Variants in PRPF38A observed in about 807,000 individuals in gnomAD.
The protein encoded by PRPF38A is pre-mRNA processing factor 38A.
A neutral mutation model predicts 46.8 loss-of-function variants in PRPF38A; 11 were observed. The ratio of observed to expected loss-of-function variants is 0.24; its 90% CI spans 0.15 to 0.39. The LOEUF (loss-of-function observed/expected upper bound fraction) is 0.39. PRPF38A is among the 10% of genes least tolerant of loss of function. The pLI, the probability that PRPF38A is intolerant of heterozygous loss-of-function variation, is 1.00. For synonymous variants in PRPF38A, 124 were observed against 136.2 expected, an observed-to-expected ratio of 0.91 and a Z score of 0.62; for missense variants, 261 against 407.5, an observed-to-expected ratio of 0.64 and a Z score of 3.10.
Position 52,419,690 on chromosome 1 carries a change from A to AAAAT in PRPF38A, c.*3002_*3005dup. ...CCACAAAACATAAAACAGCACAGAGAAAATAGGCTGGAGGAAATAAAAAAT... is the reference window on the plus strand; with the variant it reads ...CCACAAAACATAAAACAGCACAGAGAAAATAAATAGGCTGGAGGAAATAAAAAAT... On this transcript the variant is annotated 3_prime_UTR_variant, in exon 10 of 10. Transcript: ENST00000257181. 6.6e-6 allele frequency: 1 copy of AAAAT among 152,332 alleles called. No homozygotes were observed. The highest frequency in any genetic ancestry group is 1.9e-4 in the East Asian group (1 of 5,186). 9.4% of individuals were successfully genotyped at this position (152,332 alleles called of 1,614,324 possible).
In PRPF38A at chr1:52,418,681, C is replaced by A. The variant is rs1048899074; in HGVS notation, c.*1991C>A. 1 of 151,816 alleles carries A rather than the reference C, an allele frequency of 6.6e-6. No individual in the cohort carries two copies. The highest frequency in any genetic ancestry group is 1.5e-5 in the Non-Finnish European group (1 of 68,034). 9.4% of individuals were successfully genotyped at this position (151,816 alleles called of 1,614,324 possible). ...AGACATGTTGCATGTCTGTAGATAT[C>A]GTTTTGATAAAATTACACAGGAGAT... is the stretch of plus-strand genomic sequence containing the variant. On this transcript the variant is annotated 3_prime_UTR_variant, in exon 10 of 10. Transcript: ENST00000257181.
chr1:52,414,949 T>G lies in PRPF38A; in HGVS notation c.847+90T>G, dbSNP rs981711935. On this transcript the variant is annotated intron_variant, in intron 8 of 9. Coordinates refer to ENST00000257181, the MANE Select transcript of PRPF38A (RefSeq NM_032864.4). ...CTCCTGCAGTACAGGAGTGCCTGAC[T>G]GTACTGCCTAACAGAAAAGCAAATG... The G allele has an allele frequency of 1.0e-5, 12 of 1,172,812 alleles. No homozygotes were observed. In the African/African-American group the frequency reaches 1.2e-4, roughly 12 times the overall value. 72.7% of individuals were successfully genotyped at this position (1,172,812 alleles called of 1,614,324 possible).
At chr1:52,408,540 C>T in intron 2 of PRPF38A, 29 bp from the exon 3 acceptor site, 2 of 1,613,824 alleles carry the variant, frequency 1.2e-6, no homozygotes, top group Non-Finnish European at 1.7e-6. Context: ...CTAGGATGGC[C>T]TGTTGTTTCA....
chr1:52,416,917 G>A lies in PRPF38A; in HGVS notation c.*227G>A, dbSNP rs1395194395. The A allele has an allele frequency of 3.7e-6, 2 of 536,772 alleles. No individual in the cohort carries two copies. The highest frequency in any genetic ancestry group is 1.9e-5 in the African/African-American group (1 of 52,268). 33.3% of individuals were successfully genotyped at this position (536,772 alleles called of 1,614,324 possible). On this transcript the variant is annotated 3_prime_UTR_variant, in exon 10 of 10. Coordinates refer to ENST00000257181, the MANE Select transcript of PRPF38A (RefSeq NM_032864.4). ...TAACCTTGACTGTATTCAAACTTAT[G>A]AGAGTATAAAGGATCTGGAGGTTGG...
Position 52,417,967 on chromosome 1 carries a change from T to C in PRPF38A, c.*1277T>C, listed in dbSNP as rs960934678. The C allele has an allele frequency of 2.6e-5, 4 of 152,496 alleles. No individual in the cohort carries two copies. The highest frequency in any genetic ancestry group is 5.9e-5 in the Non-Finnish European group (4 of 68,046). 9.4% of individuals were successfully genotyped at this position (152,496 alleles called of 1,614,324 possible). On this transcript the variant is annotated 3_prime_UTR_variant, in exon 10 of 10. Transcript: ENST00000257181. The stretch of plus-strand genomic sequence containing the variant: ...TTATTAAGATCTTTGCTAGAAGAGT[T>C]CCTTTACCTGTACTTAACTCCCTTA...
At chr1:52,408,181 A>T in intron 2 of PRPF38A, 1 of 338,566 alleles carries the variant, frequency 3.0e-6, no homozygotes, top group Non-Finnish European at 5.7e-6. Flanking sequence ...CGGAGGTTGC[A>T]GTGAGCCAAG....
chr1:52,404,813 GAGA>G lies in PRPF38A; in HGVS notation c.68_70del (p.Lys23del). ...TGGCACCAACCCTCAATATCTGGTG[GAGA>G]AGATCATTCGAACGCGAATCTATGA... On this transcript the variant is annotated inframe_deletion, in exon 1 of 10. Coordinates refer to ENST00000257181, the MANE Select transcript of PRPF38A (RefSeq NM_032864.4). 6.2e-7 allele frequency: 1 copy of G among 1,614,222 alleles called. No homozygotes were observed. Among genetic ancestry groups the G allele is most frequent in the Non-Finnish European group, 8.5e-7 (1 of 1,180,028 alleles).
At chr1:52,407,577 T>C (rs1648034113) in intron 2 of PRPF38A, among the ~76,000 whole-genome samples, 1 of 152,238 alleles carries the variant, frequency 6.6e-6, no homozygotes, top group Admixed American at 6.5e-5. Flanking sequence ...GTCATGTTTA[T>C]GTGTACTTGT....
At chr1:52,408,987 CAG>C (rs1648075140) in intron 3 of PRPF38A, 1 of 237,174 alleles carries the variant, frequency 4.2e-6, no homozygotes, top group Non-Finnish European at 8.3e-6. Context: ...GATCTAGCTG[CAG>C]AATGGCTTCT....
intron 3 of PRPF38A, among the ~76,000 whole-genome samples, chr1:52,410,579 G>A (rs1445745282): frequency 1.3e-5 from 2 of 150,630 alleles, no homozygotes; most frequent in African/African-American, 2.4e-5. Context: ...TCAGGTCACT[G>A]CAACCTCTGC....
chr1:52,414,275 T>C (rs1294585744), intron 6 of PRPF38A, among the ~76,000 whole-genome samples: 1 of 152,180 alleles, frequency 6.6e-6, no homozygotes, highest in Non-Finnish European at 1.5e-5. Flanking sequence ...GGAATTGCCT[T>C]AGCTTGGATG....
rs1647917276 is a variant in PRPF38A, at chr1:52,404,688, T to C, written c.-62T>C. The C allele has an allele frequency of 1.3e-6, 2 of 1,568,710 alleles. No individual in the cohort carries two copies. Among genetic ancestry groups the C allele is most frequent in the Non-Finnish European group, 1.7e-6 (2 of 1,157,368 alleles). On this transcript the variant is annotated 5_prime_UTR_variant, in exon 1 of 10. Transcript: ENST00000257181. ...CTTTCTCCATTCCTCTAGGTGCTTT[T>C]TCTGAACCTGGATGTGAGGCATTAA...
At chr1:52,409,994 T>G (rs1648101270) in intron 3 of PRPF38A, among the ~76,000 whole-genome samples, 1 of 151,856 alleles carries the variant, frequency 6.6e-6, no homozygotes. Flanking sequence ...ATGGAAGTTC[T>G]CAAAAGCTAT....
Position 52,419,947 on chromosome 1 carries a change from G to C in PRPF38A, c.*3257G>C, listed in dbSNP as rs1648419991. The C allele has an allele frequency of 6.6e-6, 1 of 152,446 alleles. No homozygotes were observed. The allele number at this position is 152,446 out of a possible 1,614,324, so 9.4% of individuals were successfully genotyped here. A position where few individuals can be genotyped will look rare whatever the true frequency, so the allele number is the denominator to read the frequency against. ...AGAGCTACTAGGGAGGCTGAGGCAG[G>C]AGAATGGCGTGAATCCGGGAGGCGG... On this transcript the variant is annotated 3_prime_UTR_variant, in exon 10 of 10. Coordinates refer to ENST00000257181, the MANE Select transcript of PRPF38A (RefSeq NM_032864.4).
In PRPF38A at chr1:52,414,845, G is replaced by T. The variant is rs1322447419; in HGVS notation, c.833G>T (p.Arg278Leu). 36 of 1,613,998 alleles carry T rather than the reference G, an allele frequency of 2.2e-5. No individual in the cohort carries two copies. The highest frequency in any genetic ancestry group is 3.1e-5 in the Non-Finnish European group (36 of 1,179,946). ...TCCCGAGATCGGCGGCACAGATCCC[G>T]TTCCAAGTCCCCAGGTAAAGCTTGT... The part of the protein sequence containing the change: ...SRSRDRRHRS[R>L]SKSPGHHRSH... The change falls in exon 8 of 10, where the codon CGT (arginine) becomes CTT (leucine). Residue 278 changes from arginine to leucine, a missense_variant. By Grantham distance (102) the Arg-to-Leu change is moderately radical. Coordinates refer to ENST00000257181, the MANE Select transcript of PRPF38A (RefSeq NM_032864.4).
intron 9 of PRPF38A, 46 bp from the exon 10 acceptor site, chr1:52,416,602 C>G (rs775152235): frequency 1.3e-6 from 2 of 1,505,816 alleles, no homozygotes; most frequent in Non-Finnish European, 1.8e-6. Flanking sequence ...AGCCACCGTG[C>G]CTGGCTGCTT....
intron 9 of PRPF38A, among the ~76,000 whole-genome samples, chr1:52,416,373 A>T (rs1169387334): frequency 6.6e-6 from 1 of 151,304 alleles, no homozygotes; most frequent in African/African-American, 2.4e-5. Context: ...CAATGGCCCA[A>T]TCTCGGCTCA....
chr1:52,405,922 A>G, intron 2 of PRPF38A, 83 bp downstream of exon 2: 1 of 1,112,176 alleles, frequency 9.0e-7, no homozygotes, highest in Non-Finnish European at 1.3e-6. Flanking sequence ...GGGTGTACAC[A>G]ATGTATCTCA....
chr1:52,413,431 G>A (rs1197318017), intron 5 of PRPF38A, among the ~76,000 whole-genome samples: 1 of 151,664 alleles, frequency 6.6e-6, no homozygotes, highest in Admixed American at 6.6e-5. Context: ...TTTTGAGATA[G>A]GGTCTTGCTC....
Sources: gnomAD v4.1 joint callset for allele counts (sites outside exome capture counted in the v4.1 genomes callset) on GRCh38, gnomAD v4.1.1 for gene constraint, MANE v1.5 for transcripts, NCBI Gene and HGNC (gene_info 2026-07-23, HGNC 2026-07-21) for gene names.